Variants in TMEM132D observed in about 807,000 individuals in gnomAD.
TMEM132D encodes the protein transmembrane protein 132D.
In TMEM132D, 21 loss-of-function variants were observed where a neutral mutation model predicts 62.3. The ratio of observed to expected loss-of-function variants is 0.34; its 90% CI spans 0.24 to 0.49. The LOEUF is 0.49. Among genes scored for constraint, TMEM132D ranks in the 20% least tolerant of loss-of-function variants. The probability of loss-of-function intolerance (pLI) is 0.99; values close to 1 mark genes in which losing one functional copy is unlikely to be tolerated. For synonymous variants in TMEM132D, 621 were observed against 575.6 expected, an observed-to-expected ratio of 1.08 and a Z score of -1.13; for missense variants, 1,346 against 1,402.8, an observed-to-expected ratio of 0.96 and a Z score of 0.65.
intron 5 of TMEM132D, among the ~76,000 whole-genome samples, chr12:129,206,273 C>T (rs1410461888): frequency 1.3e-5 from 2 of 152,180 alleles, no homozygotes; most frequent in Admixed American, 6.5e-5. Context: ...AAACCAACCC[C>T]ACTGAAAAGT....
chr12:129,665,537 T>C (rs1340505465), intron 2 of TMEM132D, among the ~76,000 whole-genome samples: 1 of 151,990 alleles, frequency 6.6e-6, no homozygotes, highest in East Asian at 1.9e-4. Context: ...GAAAACATGC[T>C]GCATTTGAAC....
intron 2 of TMEM132D, among the ~76,000 whole-genome samples, chr12:129,564,240 C>T (rs545478241): frequency 6.6e-6 from 1 of 152,270 alleles, no homozygotes; most frequent in Admixed American, 6.5e-5. Flanking sequence ...GAATCTAAGT[C>T]TCCTTGACTT....
chr12:129,808,165 TATC>T (rs1872054336), intron 1 of TMEM132D, among the ~76,000 whole-genome samples: 1 of 152,142 alleles, frequency 6.6e-6, no homozygotes, highest in Non-Finnish European at 1.5e-5. Context: ...ATTACACAAA[TATC>T]ATGGAGCACA....
chr12:129,150,572 T>C (rs1488908608), intron 5 of TMEM132D, among the ~76,000 whole-genome samples: 4 of 152,010 alleles, frequency 2.6e-5, no homozygotes, highest in Non-Finnish European at 5.9e-5. Context: ...CTTAGCAGGG[T>C]GAAGGAAACC....
At chr12:129,807,926 A>C (rs533699600) in intron 1 of TMEM132D, among the ~76,000 whole-genome samples, 46 of 152,306 alleles carry the variant, frequency 3.0e-4, no homozygotes, top group African/African-American at 1.1e-3. Flanking sequence ...TGCTGGTGAA[A>C]ACTGAACAAT....
chr12:129,269,543 G>A (rs564924394), intron 4 of TMEM132D, among the ~76,000 whole-genome samples: 19 of 152,276 alleles, frequency 1.2e-4, no homozygotes, highest in Middle Eastern at 3.4e-3. Context: ...TTGGATGAAT[G>A]AATGAGTGAA....
intron 5 of TMEM132D, among the ~76,000 whole-genome samples, chr12:129,118,101 A>C (rs1875948319): frequency 6.6e-6 from 1 of 152,236 alleles, no homozygotes; most frequent in Non-Finnish European, 1.5e-5. Flanking sequence ...TTTAAAACAT[A>C]ATGGCCACCT....
At chr12:129,639,370 G>A (rs916823429) in intron 2 of TMEM132D, among the ~76,000 whole-genome samples, 6 of 122,996 alleles carry the variant, frequency 4.9e-5, no homozygotes, top group South Asian at 2.8e-4. Context: ...GTGACAGAGC[G>A]AGACTCTGTC....
intron 5 of TMEM132D, among the ~76,000 whole-genome samples, chr12:129,171,414 C>T (rs1047684258): frequency 6.6e-6 from 1 of 152,150 alleles, no homozygotes; most frequent in African/African-American, 2.4e-5. Flanking sequence ...TAAGTTCTTC[C>T]AAAGCCTTGT....
At chr12:129,868,887 G>A (rs1003134459) in intron 1 of TMEM132D, among the ~76,000 whole-genome samples, 1 of 152,126 alleles carries the variant, frequency 6.6e-6, no homozygotes, top group Admixed American at 6.5e-5. Flanking sequence ...AACAGGGCAA[G>A]AAGACGGACA....
At chr12:129,869,842 C>T (rs1874185336) in intron 1 of TMEM132D, among the ~76,000 whole-genome samples, 2 of 152,158 alleles carry the variant, frequency 1.3e-5, no homozygotes, top group Non-Finnish European at 2.9e-5. Flanking sequence ...ATATGCATGT[C>T]TCCATCTAGA....
At chr12:129,709,469 ACT>A (rs1881587845) in intron 1 of TMEM132D, among the ~76,000 whole-genome samples, 1 of 152,134 alleles carries the variant, frequency 6.6e-6, no homozygotes, top group Non-Finnish European at 1.5e-5. Flanking sequence ...ACTGTAAAAA[ACT>A]CTGTTCAGCA....
At chr12:129,273,128 G>C (rs1435997723) in intron 4 of TMEM132D, among the ~76,000 whole-genome samples, 1 of 151,796 alleles carries the variant, frequency 6.6e-6, no homozygotes, top group Non-Finnish European at 1.5e-5. Context: ...TCTGGGAGGT[G>C]GAGGTTGCAG....
At chr12:129,357,398 C>CGAAG (rs1029700321) in intron 3 of TMEM132D, among the ~76,000 whole-genome samples, 1 of 117,320 alleles carries the variant, frequency 8.5e-6, no homozygotes, top group African/African-American at 3.3e-5. Context: ...AAGGAAGGAA[C>CGAAG]GAAGGAAGGA....
intron 2 of TMEM132D, among the ~76,000 whole-genome samples, chr12:129,543,911 T>C (rs1053153328): frequency 8.5e-5 from 13 of 152,166 alleles, no homozygotes; most frequent in African/African-American, 2.7e-4. Flanking sequence ...ACAGAGGTGG[T>C]TCCTAATCTT....
chr12:129,315,586 G>A (rs1053764008), intron 4 of TMEM132D, among the ~76,000 whole-genome samples: 1 of 152,116 alleles, frequency 6.6e-6, no homozygotes, highest in African/African-American at 2.4e-5. Context: ...CTTCATCAAG[G>A]ATATCAATCT....
chr12:129,427,018 AG>A (rs1872519667), intron 3 of TMEM132D, among the ~76,000 whole-genome samples: 1 of 152,230 alleles, frequency 6.6e-6, no homozygotes, highest in Non-Finnish European at 1.5e-5. Flanking sequence ...CCTATAAGAC[AG>A]GGGCAGTGGA....
intron 4 of TMEM132D, among the ~76,000 whole-genome samples, chr12:129,303,880 C>G (rs1881779412): frequency 6.6e-6 from 1 of 152,072 alleles, no homozygotes; most frequent in African/African-American, 2.4e-5. Flanking sequence ...ACCTGAGAAC[C>G]AGGAGCTCCA....
At chr12:129,149,345 G>A (rs958927102) in intron 5 of TMEM132D, among the ~76,000 whole-genome samples, 5 of 151,908 alleles carry the variant, frequency 3.3e-5, no homozygotes, top group African/African-American at 1.2e-4. Flanking sequence ...GTACACTTAC[G>A]TAAAAAACCT....
Sources: gnomAD v4.1 joint callset for allele counts (sites outside exome capture counted in the v4.1 genomes callset) on GRCh38, gnomAD v4.1.1 for gene constraint, MANE v1.5 for transcripts, NCBI Gene and HGNC (gene_info 2026-07-23, HGNC 2026-07-21) for gene names.